VPS8: variants seen among roughly 807,000 people sequenced by gnomAD.
The protein encoded by VPS8 is vacuolar protein sorting-associated protein 8 homolog.
VPS8 carries 129 observed loss-of-function variants against 216.4 expected under a neutral mutation model. The ratio of observed to expected loss-of-function variants is 0.60; its 90% CI spans 0.52 to 0.69. VPS8 has a LOEUF of 0.69. Ranked by LOEUF, VPS8 falls within the 30% of genes least tolerant of loss-of-function variation. VPS8 has a pLI of 0.00. For synonymous variants in VPS8, 571 were observed against 565.4 expected, an observed-to-expected ratio of 1.01 and a Z score of -0.14; for missense variants, 1,531 against 1,683.5, an observed-to-expected ratio of 0.91 and a Z score of 1.59.
intron 45 of VPS8, among the ~76,000 whole-genome samples, chr3:185,016,584 T>A (rs1221939824): frequency 1.3e-5 from 2 of 152,160 alleles, no homozygotes; most frequent in African/African-American, 4.8e-5. Context: ...GCTAAGAGGA[T>A]AGTAAAGAAA....
chr3:184,823,499 A>G (rs1426896618), intron 1 of VPS8, among the ~76,000 whole-genome samples: 1 of 152,218 alleles, frequency 6.6e-6, no homozygotes, highest in African/African-American at 2.4e-5. Flanking sequence ...ATACACGCTA[A>G]AGGCAGTATG....
intron 25 of VPS8, among the ~76,000 whole-genome samples, chr3:184,904,705 G>A (rs1735166595): frequency 6.6e-6 from 1 of 152,110 alleles, no homozygotes; most frequent in Admixed American, 6.5e-5. Context: ...GTGTATCTTG[G>A]TATGTTTGCC....
chr3:185,029,683 G>A (rs1316203020), intron 46 of VPS8, among the ~76,000 whole-genome samples: 2 of 151,786 alleles, frequency 1.3e-5, no homozygotes, highest in Non-Finnish European at 2.9e-5. Context: ...TGCTGCTGCA[G>A]CCTCCCAAGT....
At chr3:184,830,512 G>GT (rs1577766946) in intron 3 of VPS8, among the ~76,000 whole-genome samples, 2 of 151,730 alleles carry the variant, frequency 1.3e-5, no homozygotes, top group Admixed American at 1.3e-4. Context: ...GGATTGTGCA[G>GT]TTTTTTTCAC....
chr3:184,847,656 G>A (rs1201450432), intron 8 of VPS8, among the ~76,000 whole-genome samples: 1 of 152,132 alleles, frequency 6.6e-6, no homozygotes, highest in Middle Eastern at 3.2e-3. Flanking sequence ...AAATTTTGTA[G>A]GCATGCATTC....
chr3:184,935,960 C>T (rs1050270894), intron 34 of VPS8, among the ~76,000 whole-genome samples: 2 of 152,196 alleles, frequency 1.3e-5, no homozygotes, highest in Non-Finnish European at 2.9e-5. Context: ...TCTGTTTCTC[C>T]TGCAGGTATC....
At chr3:184,848,460 G>C (rs1723563283) in intron 8 of VPS8, among the ~76,000 whole-genome samples, 1 of 151,752 alleles carries the variant, frequency 6.6e-6, no homozygotes, top group Non-Finnish European at 1.5e-5. Context: ...GGATGAGACA[G>C]GTGACGGTTT....
chr3:184,910,126 C>CTTTT (rs1353654654), intron 25 of VPS8, among the ~76,000 whole-genome samples: 1 of 131,530 alleles, frequency 7.6e-6, no homozygotes, highest in Non-Finnish European at 1.6e-5. Flanking sequence ...CAAGATTCTC[C>CTTTT]TATTTTTTTT....
At chr3:184,961,809 C>G (rs746112792) in intron 37 of VPS8, among the ~76,000 whole-genome samples, 4 of 151,310 alleles carry the variant, frequency 2.6e-5, no homozygotes, top group African/African-American at 4.9e-5. Context: ...CTCTGTCACC[C>G]AGGCTGGAGT....
rs765510619 is a variant in VPS8 at position 185,031,063 on chromosome 3, G to GTTTTTTTTTTTTTTT, written c.4056+6688_4056+6702dup. On this transcript the variant is annotated intron_variant, in intron 46 of 47. Coordinates refer to ENST00000625842, the MANE Select transcript of VPS8 (RefSeq NM_001009921.3). ...AATTTTTGTTGAATTACAGGTTGGCGTTTTTTTTTTTTTTTTTTTTTTTTT... is the reference window on the plus strand; with the variant it reads ...AATTTTTGTTGAATTACAGGTTGGCGTTTTTTTTTTTTTTTTTTTTTTTTTTTTTTTTTTTTTTTT... Among the ~76,000 whole-genome samples, 6 of 64,358 alleles carry GTTTTTTTTTTTTTTT rather than the reference G, an allele frequency of 9.3e-5. 1 individual carries two copies. Among genetic ancestry groups the GTTTTTTTTTTTTTTT allele is most frequent in the African/African-American group, 4.1e-4 (6 of 14,510 alleles). 42.2% of individuals were successfully genotyped at this position (64,358 alleles called of 152,430 possible). A position where few individuals can be genotyped will look rare whatever the true frequency, so the allele number is the denominator to read the frequency against.
At chr3:184,998,972 C>T (rs958686690) in intron 44 of VPS8, among the ~76,000 whole-genome samples, 1 of 152,016 alleles carries the variant, frequency 6.6e-6, no homozygotes, top group African/African-American at 2.4e-5. Flanking sequence ...ACCTCTGCCT[C>T]CCAGGTTCAA....
chr3:184,936,340 A>T lies in VPS8; in HGVS notation c.2988+5A>T, dbSNP rs986086643. On this transcript the variant is annotated splice_donor_5th_base_variant and intron_variant, in intron 35 of 47. Coordinates refer to ENST00000625842, the MANE Select transcript of VPS8 (RefSeq NM_001009921.3). ...ACGGTCATTAAAAAACTTCAGGTAC[A>T]TATTGCAAATATATATTGGGGAAAA... 2 of 1,600,186 alleles carry T rather than the reference A, an allele frequency of 1.2e-6. No homozygotes were observed. Among genetic ancestry groups the T allele is most frequent in the Non-Finnish European group, 8.5e-7 (1 of 1,172,226 alleles).
At chr3:184,882,447 TATGTA>T in intron 21 of VPS8, 1 of 440,394 alleles carries the variant, frequency 2.3e-6, no homozygotes, top group Non-Finnish European at 4.5e-6. Flanking sequence ...TAATTCTTTT[TATGTA>T]ATTGTGAATT....
At chr3:184,846,316 C>G (rs1207935099) in intron 8 of VPS8, among the ~76,000 whole-genome samples, 1 of 152,090 alleles carries the variant, frequency 6.6e-6, no homozygotes, top group Non-Finnish European at 1.5e-5. Context: ...AATTTACTTC[C>G]CTGTCTTAGC....
In VPS8 at chr3:184,834,672, T is replaced by C. The variant is rs767121688; in HGVS notation, c.377T>C (p.Phe126Ser). ...AGGAAGAAGAAATTACCTGATTCTT[T>C]TTCACTTCATGGATCAGTTATGCGC... ...LKRKKKLPDS[F>S]SLHGSVMRHS... The change falls in exon 5 of 48, where the codon TTT becomes TCT. Residue 126 changes from phenylalanine (F) to serine (S), a missense_variant. Physicochemically the swap from Phe to Ser is radical, Grantham distance 155. Coordinates refer to ENST00000625842, the MANE Select transcript of VPS8 (RefSeq NM_001009921.3). 9 of 1,552,388 alleles carry C rather than the reference T, an allele frequency of 5.8e-6. No individual in the cohort carries two copies. In the African/African-American group the frequency reaches 1.2e-4, roughly 21 times the overall value.
chr3:184,898,567 A>G lies in VPS8; in HGVS notation c.2007A>G (p.Val669=). The G allele has an allele frequency of 6.4e-7, 1 of 1,550,974 alleles. No individual in the cohort carries two copies. Among genetic ancestry groups the G allele is most frequent in the Non-Finnish European group, 8.7e-7 (1 of 1,146,478 alleles). The change falls in exon 24 of 48, where the codon GTA becomes GTG. Residue 669 remains valine, a splice_region_variant and synonymous_variant. Transcript: ENST00000625842. ...CAAGTGGCTTTTCCTTTTCACAGGT[A>G]GTTCTCATGTGTTGGGAAAATCGTT... The part of the protein sequence containing the change: ...MDITSLDIQQ[V]VLMCWENRLY...
At chr3:185,025,861 T>C (rs1018365813) in intron 46 of VPS8, among the ~76,000 whole-genome samples, 1 of 152,226 alleles carries the variant, frequency 6.6e-6, no homozygotes, top group African/African-American at 2.4e-5. Context: ...CTTCTGCTTA[T>C]TTATCTGAGT....
At chr3:184,920,255 C>A in intron 29 of VPS8, 57 bp downstream of exon 29, 2 of 1,180,344 alleles carry the variant, frequency 1.7e-6, no homozygotes, top group Non-Finnish European at 2.3e-6. Context: ...GATAGTTGAG[C>A]TGTTTTATAG....
chr3:184,955,144 T>C (rs905452302), intron 36 of VPS8, among the ~76,000 whole-genome samples: 1 of 152,098 alleles, frequency 6.6e-6, no homozygotes, highest in African/African-American at 2.4e-5. Flanking sequence ...AACACTCTGC[T>C]CCACCAGCTT....
Sources: gnomAD v4.1 joint callset for allele counts (sites outside exome capture counted in the v4.1 genomes callset) on GRCh38, gnomAD v4.1.1 for gene constraint, MANE v1.5 for transcripts, NCBI Gene and HGNC (gene_info 2026-07-23, HGNC 2026-07-21) for gene names.